CEP131: variants seen among roughly 807,000 people sequenced by gnomAD.
CEP131 encodes centrosomal protein of 131 kDa.
Under a neutral mutation model 136.8 loss-of-function variants are expected in CEP131, and 99 were observed. The ratio of observed to expected loss-of-function variants is 0.72; its 90% CI spans 0.62 to 0.86. The LOEUF (loss-of-function observed/expected upper bound fraction) is 0.86, where lower values mean the gene tolerates loss of function less well. CEP131 is among the 40% of genes least tolerant of loss of function. The pLI is 0.00. For missense variants in CEP131, 1,459 were observed against 1,463.0 expected (o/e 1.00, Z 0.04); for synonymous variants, 646 against 612.7 (o/e 1.05, Z -0.80).
chr17:81,192,986 C>G (rs1415593185), intron 18 of CEP131, 143 bp from the exon 19 acceptor site: 4 of 1,361,532 alleles, frequency 2.9e-6, no homozygotes, highest in Non-Finnish European at 3.9e-6. Flanking sequence ...CCTCGGCAGT[C>G]AAGGCCCCTC....
At position 81,197,008 on chromosome 17, in the gene CEP131, C is replaced by T; in HGVS notation, c.1695G>A (p.Glu565=). 6.3e-7 allele frequency: 1 copy of T among 1,598,382 alleles called. No homozygotes were observed. The highest frequency in any genetic ancestry group is 8.5e-7 in the Non-Finnish European group (1 of 1,172,524). ...AGPGPLELGS[E]VSTSVMRLKL... is the part of the protein sequence containing the mutation. ...TCAGCCGCATCACAGACGTGCTCAC[C>T]TCGGACCCCAGCTCCAGGGGCCCCG... The change falls in exon 14 of 26, where the codon GAG becomes GAA. Residue 565 remains glutamate, a synonymous_variant. Transcript: ENST00000450824.
intron 2 of CEP131, among the ~76,000 whole-genome samples, chr17:81,213,360 G>A (rs969311225): frequency 3.9e-5 from 6 of 152,180 alleles, no homozygotes; most frequent in Non-Finnish European, 7.3e-5. Context: ...AGGAGTTCGA[G>A]ACCAGCCTGG....
chr17:81,198,778 A>G, intron 11 of CEP131, 99 bp downstream of exon 11: 2 of 1,224,636 alleles, frequency 1.6e-6, no homozygotes, highest in Non-Finnish European at 2.3e-6. Context: ...CCTAGAGCAG[A>G]GGAGGGGCTG....
intron 5 of CEP131, among the ~76,000 whole-genome samples, chr17:81,205,374 A>G (rs1380463877): frequency 4.0e-4 from 48 of 120,554 alleles, no homozygotes; most frequent in East Asian, 2.7e-3. Flanking sequence ...TAGGAGGGGC[A>G]GCAGTGGGGT....
At position 81,192,484 on chromosome 17, in the gene CEP131, G is replaced by T. The variant is rs147348755; in HGVS notation, c.2539C>A (p.Arg847=). Reference sequence around the variant, plus strand: ...GCCCTCCGGTGGTAGACCTGGTGCCGGCGCTCCTGCTCCTCCCTGCCCTTC... The same window carrying T: ...GCCCTCCGGTGGTAGACCTGGTGCCTGCGCTCCTGCTCCTCCCTGCCCTTC... ...FEKGREEQER[R]HQMELNTLKQ... is the part of the protein sequence containing the mutation. Residue 847 remains arginine (R), a synonymous_variant, in exon 20 of 26, where the codon CGG becomes AGG. Coordinates refer to ENST00000450824, the MANE Select transcript of CEP131 (RefSeq NM_014984.4). The T allele has an allele frequency of 3.4e-5, 55 of 1,611,618 alleles. No homozygotes were observed. The highest frequency in any genetic ancestry group is 1.5e-4 in the South Asian group (14 of 90,960).
intron 1 of CEP131, among the ~76,000 whole-genome samples, chr17:81,220,770 G>C (rs1348209296): frequency 6.6e-6 from 1 of 151,824 alleles, no homozygotes; most frequent in Non-Finnish European, 1.5e-5. Flanking sequence ...CAAAGTGCTG[G>C]GATTACAGGC....
At chr17:81,195,398 G>C (rs529282985) in intron 16 of CEP131, among the ~76,000 whole-genome samples, 2 of 152,372 alleles carry the variant, frequency 1.3e-5, no homozygotes, top group Admixed American at 6.5e-5. Context: ...CACTGCCCAA[G>C]CTGGTGGGAA....
chr17:81,216,727 C>T (rs2062255137), intron 2 of CEP131, among the ~76,000 whole-genome samples: 1 of 152,230 alleles, frequency 6.6e-6, no homozygotes, highest in African/African-American at 2.4e-5. Flanking sequence ...CCCCCTTTTC[C>T]CAAATGGTGG....
At position 81,197,829 on chromosome 17, in the gene CEP131, C is replaced by G. The variant is rs752917563; in HGVS notation, c.1530G>C (p.Ala510=). 5 of 1,613,234 alleles carry G rather than the reference C, an allele frequency of 3.1e-6. No individual in the cohort carries two copies. In the South Asian group the frequency reaches 5.5e-5, roughly 18 times the overall value. Residue 510 remains alanine, a synonymous_variant, in exon 13 of 26, where the codon GCG becomes GCC. Transcript: ENST00000450824. ...DNLEKFGKLS[A]FPEPPEDGTL... ...TCCCATCCTCAGGAGGTTCGGGGAA[C>G]GCACTGAGTTTTCCAAATTTCTCCA...
In CEP131 at chr17:81,194,855, G is replaced by A. The variant is rs1370443363; in HGVS notation, c.2119+15C>T. 1.6e-5 allele frequency: 26 copies of A among 1,608,778 alleles called. No individual in the cohort carries two copies. Among genetic ancestry groups the A allele is most frequent in the Non-Finnish European group, 2.2e-5 (26 of 1,176,090 alleles). On this transcript the variant is annotated intron_variant, in intron 17 of 25. Transcript: ENST00000450824. The stretch of plus-strand genomic sequence containing the variant: ...CACCCCACACCTGGCCGGCTCATGG[G>A]AGGGGAGGGCCCACCTCGGACAGTG...
At chr17:81,207,538 A>T (rs1473988859) in intron 3 of CEP131, among the ~76,000 whole-genome samples, 1 of 150,098 alleles carries the variant, frequency 6.7e-6, no homozygotes, top group Non-Finnish European at 1.5e-5. Flanking sequence ...TAGTAGAGAT[A>T]GGGTTTCGGC....
rs755756902 is a variant in CEP131, at chr17:81,190,925, C to T, written c.2925G>A (p.Ala975=). 12 of 1,604,244 alleles carry T rather than the reference C, an allele frequency of 7.5e-6. No homozygotes were observed. The highest frequency in any genetic ancestry group is 3.3e-5 in the South Asian group (3 of 90,960). Residue 975 remains alanine, a synonymous_variant, in exon 23 of 26, where the codon GCG becomes GCA. Transcript: ENST00000450824. ...CACTCACCGCCTGCGCATCCTCCAGCGCCCGCTCCTTCTGCCGCACAAGGC... is the reference window on the plus strand; with the variant it reads ...CACTCACCGCCTGCGCATCCTCCAGTGCCCGCTCCTTCTGCCGCACAAGGC... ...LQGLVRQKER[A]LEDAQAVNEQ... is the part of the protein sequence containing the mutation.
rs1598266495 is a variant in CEP131, at chr17:81,192,543, G to A, written c.2480C>T (p.Ser827Phe). The change falls in exon 20 of 26, where the codon TCT becomes TTT. Residue 827 changes from serine to phenylalanine, a missense_variant. Coordinates refer to ENST00000450824, the MANE Select transcript of CEP131 (RefSeq NM_014984.4). Reference protein sequence around the residue: ...ELRQQLEESSSALTRALRAEF... With the variant: ...ELRQQLEESSFALTRALRAEF... ...AGCCCTCAGGGCTCGGGTCAGTGCAGAGCTGCTCTCCTCCAGCTGCTGCCT... is the reference window on the plus strand; with the variant it reads ...AGCCCTCAGGGCTCGGGTCAGTGCAAAGCTGCTCTCCTCCAGCTGCTGCCT... 6 of 1,610,312 alleles carry A rather than the reference G, an allele frequency of 3.7e-6. No individual in the cohort carries two copies. The East Asian group carries it at 1.3e-4, about 36-fold the overall frequency.
chr17:81,206,568 C>T (rs1190287134), intron 5 of CEP131, among the ~76,000 whole-genome samples, 176 bp downstream of exon 5: 2 of 152,234 alleles, frequency 1.3e-5, no homozygotes, highest in African/African-American at 2.4e-5. Context: ...GTGCAAGACG[C>T]CACCTGGCAG....
At chr17:81,199,185 C>T (rs113661846) in intron 10 of CEP131, among the ~76,000 whole-genome samples, 196 bp downstream of exon 10, 19 of 152,282 alleles carry the variant, frequency 1.2e-4, no homozygotes, top group South Asian at 1.2e-3. Flanking sequence ...GGGATCCCTA[C>T]GTCCAGGACC....
rs768192457 is a variant in CEP131, at chr17:81,200,424, C to G, written c.811G>C (p.Ala271Pro). The part of the protein sequence containing the change: ...AERFIHQVNQ[A>P]TVTIQRWYRH... ...TACCAGCGCTGGATGGTGACAGTGG[C>G]CTGGTTCACCTGGTGGATAAACCTG... Residue 271 changes from alanine to proline, a missense_variant, in exon 8 of 26, where the codon GCC becomes CCC. By Grantham distance (27) the Ala-to-Pro change is conservative. Transcript: ENST00000450824. 7.7e-6 allele frequency: 12 copies of G among 1,550,722 alleles called. No homozygotes were observed. The highest frequency in any genetic ancestry group is 1.0e-5 in the Non-Finnish European group (12 of 1,147,470).
chr17:81,202,822 G>A (rs566408865), intron 6 of CEP131, among the ~76,000 whole-genome samples: 3 of 152,208 alleles, frequency 2.0e-5, no homozygotes, highest in South Asian at 2.1e-4. Context: ...AAATTCGCTC[G>A]GCATGGTGGC....
Position 81,196,788 on chromosome 17 carries a change from C to T in CEP131, c.1812G>A (p.Glu604=), listed in dbSNP as rs756802606. The T allele has an allele frequency of 1.3e-6, 2 of 1,585,962 alleles. No individual in the cohort carries two copies. Among genetic ancestry groups the T allele is most frequent in the South Asian group, 2.3e-5 (2 of 87,842 alleles). ...QRDLTARRVK[E]TEKALSRQLQ... ...GCTGCCGGCTCAGCGCCTTCTCTGTCTCCTTGACCCGCCGGGCCGTGAGGT... is the reference window on the plus strand; with the variant it reads ...GCTGCCGGCTCAGCGCCTTCTCTGTTTCCTTGACCCGCCGGGCCGTGAGGT... The change falls in exon 15 of 26, where the codon GAG becomes GAA. Residue 604 remains glutamate (E), a synonymous_variant. Coordinates refer to ENST00000450824, the MANE Select transcript of CEP131 (RefSeq NM_014984.4).
chr17:81,197,526 A>G (rs1438319050), intron 13 of CEP131, 186 bp downstream of exon 13: 11 of 880,908 alleles, frequency 1.2e-5, no homozygotes, highest in Admixed American at 3.0e-5. Flanking sequence ...GGGGTGCTGC[A>G]TAACTAGGTG....
Sources: gnomAD v4.1 joint callset for allele counts (sites outside exome capture counted in the v4.1 genomes callset) on GRCh38, gnomAD v4.1.1 for gene constraint, MANE v1.5 for transcripts, NCBI Gene and HGNC (gene_info 2026-07-23, HGNC 2026-07-21) for gene names.